PMVK: variants seen among roughly 807,000 people sequenced by gnomAD.
The protein encoded by PMVK is testis tissue sperm-binding protein Li 95mP.
A neutral mutation model predicts 19.0 loss-of-function variants in PMVK; 10 were observed. That is an observed-to-expected ratio of 0.53 (90% CI 0.32 to 0.89). PMVK has a LOEUF of 0.89. Among genes scored for constraint, PMVK ranks in the 40% least tolerant of loss-of-function variants. The pLI, the probability that PMVK is intolerant of heterozygous loss-of-function variation, is 0.03. For missense variants in PMVK, 222 were observed against 251.1 expected, an observed-to-expected ratio of 0.88 and a Z score of 0.78; for synonymous variants, 108 against 101.6, an observed-to-expected ratio of 1.06 and a Z score of -0.38.
At chr1:154,932,181 T>C (rs1308087693) in intron 2 of PMVK, among the ~76,000 whole-genome samples, 171 bp downstream of exon 2, 1 of 152,054 alleles carries the variant, frequency 6.6e-6, no homozygotes, top group East Asian at 1.9e-4. Flanking sequence ...AGGAAAGAAA[T>C]ATAAGCTGAA....
chr1:154,929,280 G>A (rs924161548), intron 2 of PMVK, 104 bp from the exon 3 acceptor site: 1 of 1,039,958 alleles, frequency 9.6e-7, no homozygotes, highest in African/African-American at 1.6e-5. Flanking sequence ...CTCCCCCAGG[G>A]CTGATGCAAG....
At chr1:154,934,147 G>A (rs1460800877) in intron 1 of PMVK, among the ~76,000 whole-genome samples, 1 of 152,058 alleles carries the variant, frequency 6.6e-6, no homozygotes, top group African/African-American at 2.4e-5. Flanking sequence ...CTACAGGCCG[G>A]CGCCACCACG....
chr1:154,933,707 T>C (rs1050192146), intron 1 of PMVK, among the ~76,000 whole-genome samples: 2 of 151,850 alleles, frequency 1.3e-5, no homozygotes, highest in Non-Finnish European at 2.9e-5. Context: ...TTGGCCAGGC[T>C]GGTCTCAAAC....
Position 154,924,850 on chromosome 1 carries a change from A to C in PMVK, c.*279T>G. ...TGCAAGGCCACCACAGGCTGAGGGG[A>C]CTGGCACTGGGGATATGGCAGGGTT... is the stretch of plus-strand genomic sequence containing the variant. On this transcript the variant is annotated 3_prime_UTR_variant, in exon 5 of 5. Coordinates refer to ENST00000368467, the MANE Select transcript of PMVK (RefSeq NM_006556.4). The C allele has an allele frequency of 2.3e-6, 1 of 428,698 alleles. No individual in the cohort carries two copies. Among genetic ancestry groups the C allele is most frequent in the Non-Finnish European group, 4.3e-6 (1 of 231,604 alleles). 26.6% of individuals were successfully genotyped at this position (428,698 alleles called of 1,614,324 possible).
At chr1:154,939,174 C>G (rs989971232), upstream of PMVK, among the ~76,000 whole-genome samples, 3 of 152,126 alleles carry the variant, frequency 2.0e-5, no homozygotes, top group African/African-American at 7.2e-5. Context: ...CCTTTTCCCC[C>G]CTCTCCTCCT....
Position 154,926,427 on chromosome 1 carries a change from C to T in PMVK, c.369G>A (p.Gly123=). Residue 123 remains glycine, a synonymous_variant, in exon 4 of 5, where the codon GGG becomes GGA. Coordinates refer to ENST00000368467, the MANE Select transcript of PMVK (RefSeq NM_006556.4). ...CAACGCGGACCGTCTGCGTCACGGCCCCATAGGCCTCCCGAAACCACTGGA... is the reference window on the plus strand; with the variant it reads ...CAACGCGGACCGTCTGCGTCACGGCTCCATAGGCCTCCCGAAACCACTGGA... The part of the protein sequence containing the change: ...SDIQWFREAY[G]AVTQTVRVVA... 6.2e-7 allele frequency: 1 copy of T among 1,613,908 alleles called. No individual in the cohort carries two copies. Among genetic ancestry groups the T allele is most frequent in the Non-Finnish European group, 8.5e-7 (1 of 1,179,914 alleles).
chr1:154,934,199 A>G (rs1654430090), intron 1 of PMVK, among the ~76,000 whole-genome samples: 1 of 152,184 alleles, frequency 6.6e-6, no homozygotes. Flanking sequence ...GGGTTTTACC[A>G]TGTTGGTCAG....
At chr1:154,940,832 G>A (rs866812641), upstream of PMVK, among the ~76,000 whole-genome samples, 2 of 152,172 alleles carry the variant, frequency 1.3e-5, no homozygotes, top group South Asian at 2.1e-4. Context: ...CTGCCACATC[G>A]GGGAACCAAC....
chr1:154,929,207 G>A (rs367974520), intron 2 of PMVK, 31 bp from the exon 3 acceptor site: 19 of 1,610,750 alleles, frequency 1.2e-5, no homozygotes, highest in Middle Eastern at 3.3e-4. Context: ...CTACGTCACC[G>A]GCCTTTCAAC....
intron 2 of PMVK, 35 bp downstream of exon 2, chr1:154,932,317 G>T: frequency 6.5e-7 from 1 of 1,536,646 alleles, no homozygotes; most frequent in Non-Finnish European, 9.0e-7. Flanking sequence ...AGCCGGCCCC[G>T]CCCAACACAC....
Position 154,926,636 on chromosome 1 carries a change from C to T in PMVK, c.313-153G>A, listed in dbSNP as rs183996640. On this transcript the variant is annotated intron_variant, in intron 3 of 4. Transcript: ENST00000368467. ...CAGCTAGACTCACTATTCACGGATTCATTCATTCATTGAACATACACCACT... is the reference window on the plus strand; with the variant it reads ...CAGCTAGACTCACTATTCACGGATTTATTCATTCATTGAACATACACCACT... Among the ~76,000 whole-genome samples the T allele has an allele frequency of 3.3e-5, 5 of 152,300 alleles. No homozygotes were observed. The East Asian group carries it at 9.6e-4, about 29-fold the overall frequency.
At chr1:154,929,202 T>C in intron 2 of PMVK, 26 bp from the exon 3 acceptor site, 1 of 1,612,126 alleles carries the variant, frequency 6.2e-7, no homozygotes, top group South Asian at 1.1e-5. Flanking sequence ...TATGTCTACG[T>C]CACCGGCCTT....
intron 3 of PMVK, 123 bp from the exon 4 acceptor site, chr1:154,926,606 G>A (rs1038296697): frequency 5.5e-6 from 4 of 729,688 alleles, no homozygotes; most frequent in Non-Finnish European, 9.1e-6. Flanking sequence ...TCGTGAGCAT[G>A]TCAGCAGCTA....
chr1:154,929,613 C>T (rs764164586), intron 2 of PMVK, among the ~76,000 whole-genome samples: 11 of 152,130 alleles, frequency 7.2e-5, no homozygotes, highest in Non-Finnish European at 1.5e-4. Context: ...CCAAATCCCA[C>T]GGAGATTGTG....
intron 3 of PMVK, among the ~76,000 whole-genome samples, chr1:154,926,923 C>T (rs1040428447): frequency 2.0e-5 from 3 of 152,114 alleles, no homozygotes; most frequent in Non-Finnish European, 2.9e-5. Flanking sequence ...AAACTCAACT[C>T]CTGATTTCCT....
intron 1 of PMVK, among the ~76,000 whole-genome samples, chr1:154,934,333 T>G (rs1385009496): frequency 6.6e-6 from 1 of 152,136 alleles, no homozygotes; most frequent in African/African-American, 2.4e-5. Context: ...GTTTGGTTTT[T>G]TAAGAGTCAG....
chr1:154,941,471 T>G (rs1366972162), upstream of PMVK, among the ~76,000 whole-genome samples: 1 of 152,162 alleles, frequency 6.6e-6, no homozygotes, highest in Non-Finnish European at 1.5e-5. Context: ...CAACCTGCAC[T>G]GTCCCTACCA....
Position 154,936,675 on chromosome 1 carries a change from A to C in PMVK, c.11T>G (p.Leu4Arg). The C allele has an allele frequency of 6.2e-7, 1 of 1,606,466 alleles. No homozygotes were observed. Among genetic ancestry groups the C allele is most frequent in the South Asian group, 1.1e-5 (1 of 89,694 alleles). Residue 4 changes from leucine to arginine, a missense_variant, in exon 1 of 5, where the codon CTG (leucine) becomes CGG (arginine). Transcript: ENST00000368467. ...CAGTACCAGCCGCGGGGCGCCTCCC[A>C]GCGGGGCCATGGGGCCGCCACGCCT... MAP[L>R]GGAPRLVLLF...
intron 2 of PMVK, among the ~76,000 whole-genome samples, chr1:154,931,339 G>A (rs184545402): frequency 2.6e-5 from 4 of 152,270 alleles, no homozygotes; most frequent in African/African-American, 9.6e-5. Context: ...CGACAAGAGG[G>A]CTCTTCACCA....
Sources: gnomAD v4.1 joint callset for allele counts (sites outside exome capture counted in the v4.1 genomes callset) on GRCh38, gnomAD v4.1.1 for gene constraint, MANE v1.5 for transcripts, NCBI Gene and HGNC (gene_info 2026-07-23, HGNC 2026-07-21) for gene names.